Variants in CADPS2 observed in about 807,000 individuals in gnomAD.
CADPS2 encodes calcium-dependent secretion activator 2.
A neutral mutation model predicts 172.5 loss-of-function variants in CADPS2; 93 were observed. The ratio of observed to expected loss-of-function variants is 0.54; its 90% CI spans 0.46 to 0.64. The LOEUF is 0.64. CADPS2 is among the 30% of genes least tolerant of loss of function. The pLI is 0.00. For synonymous variants in CADPS2, 546 were observed against 555.2 expected, an observed-to-expected ratio of 0.98 and a Z score of 0.23; for missense variants, 1,420 against 1,565.9, an observed-to-expected ratio of 0.91 and a Z score of 1.57.
Position 122,705,695 on chromosome 7 carries a change from TATATA to T in CADPS2, c.453+31255_453+31259del, listed in dbSNP as rs1293634760. 3.1e-4 allele frequency among the ~76,000 whole-genome samples: 14 copies of T among 45,436 alleles called. No individual in the cohort carries two copies. The South Asian group carries it at 4.6e-3, about 15-fold the overall frequency. 29.8% of individuals were successfully genotyped at this position (45,436 alleles called of 152,430 possible). On this transcript the variant is annotated intron_variant, in intron 2 of 29. Transcript: ENST00000449022. ...ATATTATATAATATATCACATATTA[TATATA>T]ATATATCATATATTATATAATATAT... is the stretch of plus-strand genomic sequence containing the variant.
At chr7:122,800,854 G>C (rs1325465050) in intron 1 of CADPS2, among the ~76,000 whole-genome samples, 1 of 152,040 alleles carries the variant, frequency 6.6e-6, no homozygotes, top group African/African-American at 2.4e-5. Context: ...AGCCGGGCGT[G>C]GTGGCACATG....
chr7:122,580,873 G>C (rs989570773), intron 7 of CADPS2, among the ~76,000 whole-genome samples: 2 of 152,114 alleles, frequency 1.3e-5, no homozygotes, highest in African/African-American at 2.4e-5. Context: ...CCTTCACCAA[G>C]AGCAAGTTGG....
chr7:122,394,206 G>A (rs1036243621), intron 20 of CADPS2, among the ~76,000 whole-genome samples: 3 of 152,042 alleles, frequency 2.0e-5, no homozygotes, highest in Admixed American at 6.6e-5. Flanking sequence ...TTTAATAAAT[G>A]GTAGTATGGA....
At position 122,861,951 on chromosome 7, in the gene CADPS2, G is replaced by A. The variant is rs192431057; in HGVS notation, c.339+24048C>T. Among the ~76,000 whole-genome samples, 83 of 152,292 alleles carry A rather than the reference G, an allele frequency of 5.5e-4. No homozygotes were observed. In the East Asian group the frequency reaches 7.1e-3, roughly 13 times the overall value. On this transcript the variant is annotated intron_variant, in intron 1 of 29. Transcript: ENST00000449022. ...ATGATTTCAACCTGGAATTCTATGCGCAGCCAATTTCCCTGTTAAAATGAG... is the reference window on the plus strand; with the variant it reads ...ATGATTTCAACCTGGAATTCTATGCACAGCCAATTTCCCTGTTAAAATGAG...
At chr7:122,388,523 T>C (rs2151443859) in intron 23 of CADPS2, 60 bp downstream of exon 23, 1 of 1,484,060 alleles carries the variant, frequency 6.7e-7, no homozygotes, top group Non-Finnish European at 9.1e-7. Flanking sequence ...AGGTACTTGA[T>C]AAAAAGTGAT....
chr7:122,775,837 A>C (rs1027870053), intron 1 of CADPS2, among the ~76,000 whole-genome samples: 1 of 152,186 alleles, frequency 6.6e-6, no homozygotes, highest in Non-Finnish European at 1.5e-5. Context: ...TAAGTTTCAC[A>C]ACTTTCTTAG....
intron 2 of CADPS2, among the ~76,000 whole-genome samples, chr7:122,732,546 C>CAT (rs1266697865): frequency 1.3e-5 from 2 of 148,460 alleles, no homozygotes; most frequent in East Asian, 2.0e-4. Flanking sequence ...TAGGATTGTT[C>CAT]ATATATATAT....
chr7:122,414,070 C>G lies in CADPS2; in HGVS notation c.2587G>C (p.Glu863Gln), dbSNP rs748291158. The G allele has an allele frequency of 1.3e-6, 2 of 1,546,404 alleles. No individual in the cohort carries two copies. The highest frequency in any genetic ancestry group is 8.6e-7 in the Non-Finnish European group (1 of 1,160,146). ...QNEEHHAEGR[E>Q]AFAWWPDLLA... ...ATAGTGGAAATCATTTTACTCACCT[C>G]TCTTCCCTGAGGGTTTCCAAGAATT... Residue 863 changes from glutamate to glutamine, a missense_variant and splice_region_variant, in exon 19 of 30, where the codon GAG becomes CAG. By Grantham distance (29) the Glu-to-Gln change is conservative. Transcript: ENST00000449022.
intron 7 of CADPS2, among the ~76,000 whole-genome samples, chr7:122,579,464 T>TATATAC (rs760410636): frequency 0.039 from 5,706 of 146,524 alleles, 250 homozygotes; most frequent in Non-Finnish European, 0.057. Flanking sequence ...TATATATATA[T>TATATAC]ATATATATAT....
intron 6 of CADPS2, among the ~76,000 whole-genome samples, chr7:122,593,928 A>C (rs552925433): frequency 2.0e-5 from 3 of 152,174 alleles, no homozygotes; most frequent in African/African-American, 7.2e-5. Flanking sequence ...TTTTAATCTT[A>C]ATGTATTTTT....
chr7:122,786,230 C>T (rs376702325), intron 1 of CADPS2, among the ~76,000 whole-genome samples: 20 of 152,056 alleles, frequency 1.3e-4, no homozygotes, highest in Admixed American at 4.6e-4. Context: ...TTAGCATCAT[C>T]GGGAAAATGG....
intron 2 of CADPS2, among the ~76,000 whole-genome samples, chr7:122,689,060 C>T (rs1198442546): frequency 3.3e-5 from 5 of 152,078 alleles, no homozygotes; most frequent in Non-Finnish European, 7.4e-5. Context: ...TAGGGCTGCA[C>T]CTTGGACCTA....
At chr7:122,519,917 A>G (rs1157798010) in intron 8 of CADPS2, among the ~76,000 whole-genome samples, 2 of 152,020 alleles carry the variant, frequency 1.3e-5, no homozygotes, top group East Asian at 3.9e-4. Flanking sequence ...ACTACCAACA[A>G]GGCAAATAGT....
chr7:122,771,386 A>T (rs17144848), intron 1 of CADPS2, among the ~76,000 whole-genome samples: 1,672 of 152,286 alleles, frequency 0.011, 30 homozygotes, highest in African/African-American at 0.038. Flanking sequence ...TAATGAAGAC[A>T]ATGGGTGCTA....
At position 122,345,739 on chromosome 7, in the gene CADPS2, ATTAT is replaced by A. The variant is rs1032745568; in HGVS notation, c.3505-62_3505-59del. ...AATATCAGGTCTCAATTGTGAAATT[ATTAT>A]TTAATCATACCCTGAAAAATAATTT... On this transcript the variant is annotated intron_variant, in intron 27 of 29. Coordinates refer to ENST00000449022, the MANE Select transcript of CADPS2 (RefSeq NM_017954.11). The A allele has an allele frequency of 9.1e-6, 10 of 1,097,244 alleles. No homozygotes were observed. In the African/African-American group the frequency reaches 1.1e-4, roughly 12 times the overall value. 68.0% of individuals were successfully genotyped at this position (1,097,244 alleles called of 1,614,324 possible).
chr7:122,722,385 T>C (rs548248610), intron 2 of CADPS2, among the ~76,000 whole-genome samples: 27 of 150,764 alleles, frequency 1.8e-4, no homozygotes, highest in African/African-American at 6.4e-4. Flanking sequence ...ACAAGCATTC[T>C]TCTACACCAA....
chr7:122,751,351 C>A (rs1214961317), intron 1 of CADPS2, among the ~76,000 whole-genome samples: 1 of 151,946 alleles, frequency 6.6e-6, no homozygotes, highest in African/African-American at 2.4e-5. Flanking sequence ...AAAATCATGT[C>A]GAGGGAATGG....
At chr7:122,709,835 C>T (rs867254428) in intron 2 of CADPS2, among the ~76,000 whole-genome samples, 1 of 151,710 alleles carries the variant, frequency 6.6e-6, no homozygotes, top group African/African-American at 2.4e-5. Flanking sequence ...CATGTTCTCA[C>T]TCATAGATGG....
intron 14 of CADPS2, 133 bp downstream of exon 14, chr7:122,471,242 T>TG: frequency 1.1e-4 from 38 of 341,456 alleles, no homozygotes; most frequent in East Asian, 4.2e-4. Flanking sequence ...TTCTCTGTCG[T>TG]TTTTTTTTTT....
Sources: allele counts gnomAD v4.1 joint callset (sites outside exome capture counted in the v4.1 genomes callset), GRCh38; gene constraint gnomAD v4.1.1; transcripts MANE v1.5; gene names NCBI Gene and HGNC (gene_info 2026-07-23, HGNC 2026-07-21).